Variants in L3MBTL4 observed in about 807,000 individuals in gnomAD.
The protein encoded by L3MBTL4 is lethal(3)malignant brain tumor-like protein 4.
L3MBTL4 carries 70 observed loss-of-function variants against 84.5 expected under a neutral mutation model. That is an observed-to-expected ratio of 0.83 (90% confidence interval 0.68 to 1.01). The LOEUF is 1.01. L3MBTL4 is among the 50% of genes least tolerant of loss of function. L3MBTL4 has a pLI of 0.00. For synonymous variants in L3MBTL4, 274 were observed against 259.8 expected (o/e 1.05, Z -0.52); for missense variants, 715 against 754.8 (o/e 0.95, Z 0.62).
intron 16 of L3MBTL4, among the ~76,000 whole-genome samples, chr18:6,048,700 A>T (rs1746465991): frequency 6.6e-6 from 1 of 151,808 alleles, no homozygotes; most frequent in Non-Finnish European, 1.5e-5. Context: ...AAGGTGGGAG[A>T]ATCGCTTGAA....
At chr18:6,180,262 C>A (rs1022000868) in intron 12 of L3MBTL4, among the ~76,000 whole-genome samples, 2 of 151,034 alleles carry the variant, frequency 1.3e-5, no homozygotes, top group Non-Finnish European at 2.9e-5. Context: ...TTCAAAACAC[C>A]TTACTCTCAT....
chr18:5,999,006 T>A (rs1181965180), intron 16 of L3MBTL4, among the ~76,000 whole-genome samples: 1 of 152,196 alleles, frequency 6.6e-6, no homozygotes, highest in African/African-American at 2.4e-5. Context: ...TTAAGATGAT[T>A]CCTGAACTTT....
intron 13 of L3MBTL4, among the ~76,000 whole-genome samples, chr18:6,147,220 A>G (rs2042694066): frequency 6.6e-6 from 1 of 152,098 alleles, no homozygotes; most frequent in African/African-American, 2.4e-5. Context: ...TGCTAAGAAG[A>G]TTTAATGAAA....
chr18:6,234,962 A>G (rs900175154), intron 10 of L3MBTL4, among the ~76,000 whole-genome samples: 7 of 152,220 alleles, frequency 4.6e-5, no homozygotes, highest in Non-Finnish European at 8.8e-5. Context: ...TGTGGCACAT[A>G]TACACCATGA....
At chr18:6,025,156 A>G (rs942045121) in intron 16 of L3MBTL4, 1 of 152,252 alleles carries the variant, frequency 6.6e-6, no homozygotes, top group Non-Finnish European at 1.5e-5. Flanking sequence ...AAAACAAAAC[A>G]AGACATCATC....
chr18:5,958,781 G>A lies in L3MBTL4; in HGVS notation c.1677+1313C>T, dbSNP rs143299883. ...ACCCTAATCTTTAAGGGCCCCTCTC[G>A]TAAATCTGTGTTTCAGAGAGGAGGG... On this transcript the variant is annotated intron_variant, in intron 18 of 18. Transcript: ENST00000317931. Among the ~76,000 whole-genome samples the A allele has an allele frequency of 9.0e-4, 137 of 152,212 alleles. 1 individual carries two copies. The highest frequency in any genetic ancestry group is 3.1e-3 in the African/African-American group (128 of 41,520).
intron 1 of L3MBTL4, among the ~76,000 whole-genome samples, chr18:6,331,815 T>G (rs1046290868): frequency 1.3e-5 from 2 of 152,048 alleles, no homozygotes; most frequent in Non-Finnish European, 2.9e-5. Flanking sequence ...AAGTGAAAAC[T>G]GGTATATTGG....
chr18:6,110,898 T>G (rs1254113538), intron 14 of L3MBTL4, among the ~76,000 whole-genome samples: 1 of 152,098 alleles, frequency 6.6e-6, no homozygotes, highest in Non-Finnish European at 1.5e-5. Flanking sequence ...TCGTGGAATT[T>G]TGTTCATGCC....
chr18:6,260,150 T>G (rs1344199171), intron 5 of L3MBTL4: 1 of 152,234 alleles, frequency 6.6e-6, no homozygotes, highest in East Asian at 1.9e-4. Context: ...TTGTTCTATG[T>G]ATGTGTTTTT....
At chr18:6,250,677 G>GCA (rs1264518096) in intron 5 of L3MBTL4, among the ~76,000 whole-genome samples, 1 of 152,006 alleles carries the variant, frequency 6.6e-6, no homozygotes, top group Non-Finnish European at 1.5e-5. Context: ...GGCCACCGAG[G>GCA]CACACATTTT....
chr18:6,059,635 T>C (rs1473388528), intron 16 of L3MBTL4, among the ~76,000 whole-genome samples: 1 of 152,098 alleles, frequency 6.6e-6, no homozygotes, highest in African/African-American at 2.4e-5. Flanking sequence ...AAGCCTGATA[T>C]CCTAGAAAGG....
At chr18:5,979,076 A>G (rs1399316772) in intron 16 of L3MBTL4, among the ~76,000 whole-genome samples, 1 of 152,152 alleles carries the variant, frequency 6.6e-6, no homozygotes, top group Non-Finnish European at 1.5e-5. Flanking sequence ...ACGGGGCAGG[A>G]ATAACTCTTG....
intron 17 of L3MBTL4, among the ~76,000 whole-genome samples, chr18:5,965,006 C>A (rs1006209692): frequency 1.3e-5 from 2 of 152,194 alleles, no homozygotes; most frequent in African/African-American, 4.8e-5. Flanking sequence ...AAAGCTTATA[C>A]TCCTGTACAA....
chr18:6,342,671 A>T (rs1228159250), intron 1 of L3MBTL4, among the ~76,000 whole-genome samples: 2 of 152,180 alleles, frequency 1.3e-5, no homozygotes, highest in African/African-American at 4.8e-5. Flanking sequence ...AAAGGAACAA[A>T]TAAATAAACT....
At chr18:6,284,479 C>A (rs454956) in intron 4 of L3MBTL4, among the ~76,000 whole-genome samples, 1 of 152,136 alleles carries the variant, frequency 6.6e-6, no homozygotes, top group Admixed American at 6.5e-5. Context: ...GGAAAGGGCC[C>A]GCAGCTCAGC....
intron 1 of L3MBTL4, among the ~76,000 whole-genome samples, chr18:6,332,160 A>C (rs1205311155): frequency 1.3e-5 from 2 of 152,174 alleles, no homozygotes; most frequent in African/African-American, 4.8e-5. Context: ...GAACTGACAT[A>C]ATTTGAAAGC....
At chr18:6,314,310 T>A (rs2050984986) in intron 1 of L3MBTL4, among the ~76,000 whole-genome samples, 1 of 152,140 alleles carries the variant, frequency 6.6e-6, no homozygotes, top group Admixed American at 6.5e-5. Context: ...TGTCTCCTTG[T>A]TGAGCTTTGA....
intron 1 of L3MBTL4, among the ~76,000 whole-genome samples, chr18:6,340,801 C>A (rs1049942924): frequency 1.1e-4 from 16 of 152,168 alleles, no homozygotes; most frequent in African/African-American, 3.6e-4. Context: ...TAGGTCCCCA[C>A]AATGATGCAC....
At chr18:6,287,968 A>C (rs1253432911) in intron 4 of L3MBTL4, among the ~76,000 whole-genome samples, 1 of 152,206 alleles carries the variant, frequency 6.6e-6, no homozygotes, top group Non-Finnish European at 1.5e-5. Context: ...ACTTGAGCCC[A>C]GAAGGTCAAG....
Sources: allele counts gnomAD v4.1 joint callset (sites outside exome capture counted in the v4.1 genomes callset), GRCh38; gene constraint gnomAD v4.1.1; transcripts MANE v1.5; gene names NCBI Gene and HGNC (gene_info 2026-07-23, HGNC 2026-07-21).